ACCSL: variants seen among roughly 807,000 people sequenced by gnomAD.
ACCSL encodes probable inactive 1-aminocyclopropane-1-carboxylate synthase-like protein 2.
A neutral mutation model predicts 61.7 loss-of-function variants in ACCSL; 55 were observed. The ratio of observed to expected loss-of-function variants is 0.89; its 90% confidence interval spans 0.72 to 1.12. The LOEUF is 1.12. Among genes scored for constraint, ACCSL ranks in the 50% most tolerant of loss-of-function variants. The pLI is 0.00. For synonymous variants in ACCSL, 258 were observed against 264.3 expected (o/e 0.98, Z 0.23); for missense variants, 632 against 698.0 (o/e 0.91, Z 1.07).
the ACCSL span, among the ~76,000 whole-genome samples, chr11:44,034,154 C>T: frequency 6.6e-6 from 1 of 152,110 alleles, no homozygotes; most frequent in African/African-American, 2.4e-5. Flanking sequence ...CCCCTAACAC[C>T]ACATGTACAT....
chr11:44,002,598 G>A, the ACCSL span, among the ~76,000 whole-genome samples: 110 of 152,274 alleles, frequency 7.2e-4, no homozygotes, highest in African/African-American at 2.6e-3. Flanking sequence ...GACCCTGGAG[G>A]CTGTAGCTGG....
In ACCSL at chr11:44,059,951, C is replaced by A; in HGVS notation, c.*31C>A. The A allele has an allele frequency of 6.2e-7, 1 of 1,601,372 alleles. No homozygotes were observed. The highest frequency in any genetic ancestry group is 8.6e-7 in the Non-Finnish European group (1 of 1,169,440). The stretch of plus-strand genomic sequence containing the variant: ...CTGCCTCCCAACCAGCAGTTCCAGC[C>A]CATCACTTGCTCAGGGACCCCCTAA... On this transcript the variant is annotated 3_prime_UTR_variant, in exon 14 of 14. Transcript: ENST00000378832.
the ACCSL span, chr11:43,973,771 A>G: frequency 1.3e-5 from 2 of 152,218 alleles, no homozygotes; most frequent in Admixed American, 6.5e-5. Context: ...CGGCTTAAGG[A>G]TAATTCACTC....
chr11:43,975,141 G>A, the ACCSL span, among the ~76,000 whole-genome samples: 1 of 152,078 alleles, frequency 6.6e-6, no homozygotes, highest in Non-Finnish European at 1.5e-5. Context: ...TGAAAAAACT[G>A]TTTATAGAAG....
chr11:44,046,150 G>A (rs553089013), upstream of ACCSL, among the ~76,000 whole-genome samples: 1 of 152,294 alleles, frequency 6.6e-6, no homozygotes, highest in East Asian at 1.9e-4. Context: ...TCTAGGACAG[G>A]GAATTTGGGC....
chr11:44,046,855 A>G (rs751148025), upstream of ACCSL, among the ~76,000 whole-genome samples: 13 of 152,102 alleles, frequency 8.5e-5, no homozygotes, highest in Admixed American at 2.0e-4. Context: ...TTGCTATCTG[A>G]TTTATTGATT....
chr11:43,988,912 AG>A, the ACCSL span, among the ~76,000 whole-genome samples: 1 of 147,228 alleles, frequency 6.8e-6, no homozygotes, highest in Non-Finnish European at 1.5e-5. Context: ...CTGGGACTAT[AG>A]GTACATGCCA....
chr11:44,004,902 T>C, the ACCSL span, among the ~76,000 whole-genome samples: 15 of 152,156 alleles, frequency 9.9e-5, no homozygotes, highest in African/African-American at 3.6e-4. Context: ...TTCTTTCCCA[T>C]CGAGGGGATG....
chr11:43,956,664 C>T, the ACCSL span, among the ~76,000 whole-genome samples: 1 of 152,152 alleles, frequency 6.6e-6, no homozygotes, highest in Non-Finnish European at 1.5e-5. Flanking sequence ...TGTGATCTGC[C>T]CACCTTGGCC....
the ACCSL span, chr11:43,943,743 G>A: frequency 5.4e-6 from 7 of 1,304,394 alleles, no homozygotes; most frequent in East Asian, 2.2e-4. This position sits in a 1 kb window ranked among gnomAD's most constrained non-coding sequence, Gnocchi z 4.8. Context: ...GGCGCAGCGC[G>A]GCTGCTACTG....
the ACCSL span, chr11:43,942,465 G>T: frequency 1.5e-4 from 32 of 214,222 alleles, no homozygotes; most frequent in African/African-American, 4.3e-4. Context: ...GCCGGTTGGC[G>T]GGGGGCGGGC....
chr11:43,939,891 G>GCCA, the ACCSL span, among the ~76,000 whole-genome samples: 1 of 152,186 alleles, frequency 6.6e-6, no homozygotes, highest in Admixed American at 6.5e-5. Flanking sequence ...ACAGGCATGA[G>GCCA]CCACCGTGCC....
Position 44,048,029 on chromosome 11 carries a change from C to G in ACCSL, c.-8C>G. On this transcript the variant is annotated 5_prime_UTR_variant, in exon 1 of 14. Transcript: ENST00000378832. ...CAGCCTTCAGAGGCCAGTAAAGATA[C>G]CCGGAGTATGAGTCATCGGTCAGAC... The G allele has an allele frequency of 6.2e-7, 1 of 1,601,500 alleles. No individual in the cohort carries two copies. The highest frequency in any genetic ancestry group is 8.5e-7 in the Non-Finnish European group (1 of 1,169,870).
chr11:43,996,199 T>C, the ACCSL span, among the ~76,000 whole-genome samples: 3 of 152,162 alleles, frequency 2.0e-5, no homozygotes, highest in African/African-American at 7.2e-5. Flanking sequence ...GCTAGAACTG[T>C]GAGAGGATAA....
chr11:43,939,079 C>A, the ACCSL span, among the ~76,000 whole-genome samples: 8 of 152,178 alleles, frequency 5.3e-5, no homozygotes, highest in African/African-American at 1.7e-4. Context: ...GCAAACTGGC[C>A]AATCTCTTTC....
At chr11:43,932,877 C>G in the ACCSL span, among the ~76,000 whole-genome samples, 1 of 152,242 alleles carries the variant, frequency 6.6e-6, no homozygotes, top group Non-Finnish European at 1.5e-5. Context: ...TCAATAGCCA[C>G]CCCCTTTGTC....
At chr11:44,008,622 T>C in the ACCSL span, among the ~76,000 whole-genome samples, 1 of 152,254 alleles carries the variant, frequency 6.6e-6, no homozygotes, top group Admixed American at 6.5e-5. Flanking sequence ...TTTCTATATA[T>C]GAACTGTGTC....
chr11:43,935,258 G>A, the ACCSL span, among the ~76,000 whole-genome samples: 1 of 151,410 alleles, frequency 6.6e-6, no homozygotes, highest in Non-Finnish European at 1.5e-5. Flanking sequence ...GCACACACAC[G>A]CATACACACA....
At chr11:44,059,720 A>G (rs977469814) in intron 13 of ACCSL, 118 bp from the exon 14 acceptor site, 4 of 720,328 alleles carry the variant, frequency 5.6e-6, no homozygotes, top group Non-Finnish European at 6.9e-6. Flanking sequence ...GGGAGGGCTG[A>G]AGTTCAGGAT....
Sources: allele counts gnomAD v4.1 joint callset (sites outside exome capture counted in the v4.1 genomes callset), GRCh38; gene constraint gnomAD v4.1.1; non-coding constraint Gnocchi (gnomAD v3.1); transcripts MANE v1.5; gene names NCBI Gene and HGNC (gene_info 2026-07-23, HGNC 2026-07-21).